The following GREB1 variants were observed in gnomAD, a reference collection of about 807,000 sequenced individuals.
GREB1 encodes growth regulating estrogen receptor binding 1, also known as protein GREB1.
A neutral mutation model predicts 200.7 loss-of-function variants in GREB1; 106 were observed. That is an observed-to-expected ratio of 0.53 (90% CI 0.45 to 0.62). GREB1 has a LOEUF of 0.62. GREB1 is among the 20% of genes least tolerant of loss of function. The pLI is 0.00. For synonymous variants in GREB1, 1,132 were observed against 1,092.4 expected (o/e 1.04, Z -0.72); for missense variants, 2,243 against 2,556.8 (o/e 0.88, Z 2.65).
In GREB1 at chr2:11,637,792, C is replaced by T. The variant is rs751005681; in HGVS notation, c.5423C>T (p.Ala1808Val). Reference sequence around the variant, plus strand: ...GACAGCAAGCACACGTTCCTCGCAGCGCCCGCCCAGCTCCTGCTGGAGAAG... The same window carrying T: ...GACAGCAAGCACACGTTCCTCGCAGTGCCCGCCCAGCTCCTGCTGGAGAAG... ...APDSKHTFLA[A>V]PAQLLLEKFL... is the part of the protein sequence containing the mutation. The change falls in exon 31 of 33, where the codon GCG (alanine) becomes GTG (valine). Residue 1808 changes from alanine to valine, a missense_variant. Physicochemically the swap from Ala to Val is moderately conservative, Grantham distance 64. Coordinates refer to ENST00000381486, the MANE Select transcript of GREB1 (RefSeq NM_014668.4). 3.3e-5 allele frequency: 53 copies of T among 1,614,000 alleles called. No individual in the cohort carries two copies. In the East Asian group the frequency reaches 6.2e-4, roughly 19 times the overall value.
chr2:11,528,348 C>T (rs144881087), intron 1 of GREB1, among the ~76,000 whole-genome samples: 2 of 152,332 alleles, frequency 1.3e-5, no homozygotes, highest in East Asian at 3.9e-4. Flanking sequence ...CAAATACCCT[C>T]GTTGAAAGTA....
chr2:11,569,471 G>A (rs941396031), intron 4 of GREB1, among the ~76,000 whole-genome samples: 5 of 152,110 alleles, frequency 3.3e-5, no homozygotes, highest in African/African-American at 9.7e-5. Context: ...GGAGCACACC[G>A]GCTCCCAGTG....
intron 1 of GREB1, among the ~76,000 whole-genome samples, chr2:11,512,764 A>G (rs1673387608): frequency 6.6e-6 from 1 of 152,242 alleles, no homozygotes; most frequent in Admixed American, 6.5e-5. Flanking sequence ...CACTGTGCCC[A>G]ACACATGGCA....
In GREB1 at chr2:11,598,782, C is replaced by T. The variant is rs774527925; in HGVS notation, c.2255C>T (p.Ala752Val). The change falls in exon 15 of 33, where the codon GCT becomes GTT. Residue 752 changes from alanine (A) to valine (V), a missense_variant. By Grantham distance (64) the Ala-to-Val change is moderately conservative. Around this residue, in one of 3 missense-constraint regions of GREB1, gnomAD observed 1,178 missense variants for 1,387.4 expected, o/e 0.85. Transcript: ENST00000381486. ...LDTEAQTKFKAFLQNSFQNPH... is the reference protein window; with the variant it reads ...LDTEAQTKFKVFLQNSFQNPH... ...ACGGAGGCACAGACAAAATTTAAGGCTTTTCTGCAAAACTCCTTCCAGAAC... is the reference window on the plus strand; with the variant it reads ...ACGGAGGCACAGACAAAATTTAAGGTTTTTCTGCAAAACTCCTTCCAGAAC... 1.4e-5 allele frequency: 22 copies of T among 1,614,016 alleles called. No homozygotes were observed. Among genetic ancestry groups the T allele is most frequent in the East Asian group, 2.2e-5 (1 of 44,890 alleles).
At position 11,548,363 on chromosome 2, in the gene GREB1, G is replaced by T. The variant is rs188882312; in HGVS notation, c.-161-8091G>T. 6.9e-6 allele frequency among the ~76,000 whole-genome samples: 1 copy of T among 144,862 alleles called. No individual in the cohort carries two copies. The highest frequency in any genetic ancestry group is 2.9e-5 in the African/African-American group (1 of 34,826). Reference sequence around the variant, plus strand: ...GCACACATGCATATACCCCAACACAGATGCACACACATACACACACCCACA... The same window carrying T: ...GCACACATGCATATACCCCAACACATATGCACACACATACACACACCCACA... On this transcript the variant is annotated intron_variant, in intron 1 of 32. Transcript: ENST00000381486. This position sits in a 1 kb window ranked among gnomAD's most constrained non-coding sequence, Gnocchi z 5.1.
chr2:11,623,640 C>T (rs1684187985), intron 23 of GREB1, among the ~76,000 whole-genome samples: 1 of 152,234 alleles, frequency 6.6e-6, no homozygotes, highest in Non-Finnish European at 1.5e-5. Context: ...CCTGTAATCC[C>T]AGCACTTTGT....
In GREB1 at chr2:11,620,917, G is replaced by A. The variant is rs551655017; in HGVS notation, c.4057G>A (p.Gly1353Ser). 9.9e-5 allele frequency: 160 copies of A among 1,608,476 alleles called. No homozygotes were observed. Among genetic ancestry groups the A allele is most frequent in the Middle Eastern group, 8.3e-4 (5 of 6,050 alleles). Residue 1353 changes from glycine (G) to serine (S), a missense_variant, in exon 23 of 33, where the codon GGT becomes AGT. Gly to Ser is a moderately conservative substitution (Grantham distance 56, BLOSUM62 0). Transcript: ENST00000381486. ...LSGPPQIGKT[G>S]AYLQFLSVLS... ...TATACCTTTACAGATCGGGAAGACA[G>A]GTGCCTACCTGCAGTTCCTCAGTGT...
In GREB1 at chr2:11,610,795, C is replaced by T. The variant is rs770717636; in HGVS notation, c.2774C>T (p.Ser925Leu). 3.7e-6 allele frequency: 6 copies of T among 1,613,550 alleles called. No individual in the cohort carries two copies. Among genetic ancestry groups the T allele is most frequent in the Admixed American group, 3.3e-5 (2 of 60,034 alleles). The change falls in exon 18 of 33, where the codon TCG becomes TTG. Residue 925 changes from serine to leucine, a missense_variant. Physicochemically the swap from Ser to Leu is moderately radical, Grantham distance 145. Transcript: ENST00000381486. ...CTCCCGCAGATGAAGAACTACACGT[C>T]GGTGGAGACGCTGGAGATCACGCAG... Reference protein sequence around the residue: ...SGLPQMKNYTSVETLEITQNL... With the variant: ...SGLPQMKNYTLVETLEITQNL...
chr2:11,562,753 C>T (rs536955551), intron 3 of GREB1, 171 bp downstream of exon 3: 38 of 639,290 alleles, frequency 5.9e-5, no homozygotes, highest in East Asian at 3.6e-4. Context: ...GGTGCTGGCC[C>T]GGCCTGCCCT....
chr2:11,639,725 T>C (rs1448132864), intron 32 of GREB1, among the ~76,000 whole-genome samples: 1 of 151,834 alleles, frequency 6.6e-6, no homozygotes, highest in Non-Finnish European at 1.5e-5. Context: ...GATCAAGAGG[T>C]TTTACAGCAG....
chr2:11,541,491 C>T (rs1674747966), intron 1 of GREB1, among the ~76,000 whole-genome samples: 1 of 152,084 alleles, frequency 6.6e-6, no homozygotes, highest in Non-Finnish European at 1.5e-5. Flanking sequence ...GACCTCTCAG[C>T]TCTCTCTTCA....
intron 2 of GREB1, among the ~76,000 whole-genome samples, chr2:11,557,632 A>T (rs1267207603): frequency 6.6e-6 from 1 of 152,162 alleles, no homozygotes; most frequent in African/African-American, 2.4e-5. Context: ...CTTGTCTTCA[A>T]GGGGCCCCAC....
chr2:11,531,677 T>C (rs1312197861), upstream of GREB1, among the ~76,000 whole-genome samples: 1 of 152,146 alleles, frequency 6.6e-6, no homozygotes, highest in Non-Finnish European at 1.5e-5. Flanking sequence ...TTCAAGCGAT[T>C]CTCCTGCATC....
In GREB1 at chr2:11,620,926, C is replaced by A; in HGVS notation, c.4066C>A (p.Leu1356Met). 1 of 1,610,968 alleles carries A rather than the reference C, an allele frequency of 6.2e-7. No individual in the cohort carries two copies. Among genetic ancestry groups the A allele is most frequent in the Non-Finnish European group, 8.5e-7 (1 of 1,177,090 alleles). The change falls in exon 23 of 33, where the codon CTG (leucine) becomes ATG (methionine). Residue 1356 changes from leucine (L) to methionine (M), a missense_variant. By Grantham distance (15) the Leu-to-Met change is conservative. Around this residue, in one of 3 missense-constraint regions of GREB1, gnomAD observed 587 missense variants for 553.1 expected, o/e 1.06. Transcript: ENST00000381486. ...PPQIGKTGAY[L>M]QFLSVLSRML... ...ACAGATCGGGAAGACAGGTGCCTAC[C>A]TGCAGTTCCTCAGTGTCCTGTCCAG...
At chr2:11,526,770 C>T (rs998560095) in intron 1 of GREB1, among the ~76,000 whole-genome samples, 1 of 152,028 alleles carries the variant, frequency 6.6e-6, no homozygotes, top group Non-Finnish European at 1.5e-5. Context: ...GTTGGCCAGG[C>T]TGGTTTCAAA....
rs1015078534 is a variant in GREB1, at chr2:11,597,139, C to T, written c.1955-642C>T. On this transcript the variant is annotated intron_variant, in intron 13 of 32. Coordinates refer to ENST00000381486, the MANE Select transcript of GREB1 (RefSeq NM_014668.4). This position sits in a 1 kb window ranked among gnomAD's most constrained non-coding sequence, Gnocchi z 4.1. The stretch of plus-strand genomic sequence containing the variant: ...TCGGTGGGCGATGAGAGGGCACTGG[C>T]GAGGGCCTCGGTCTGGCCTGGGAGG... 6.6e-6 allele frequency among the ~76,000 whole-genome samples: 1 copy of T among 151,754 alleles called. No homozygotes were observed. The highest frequency in any genetic ancestry group is 1.9e-4 in the East Asian group (1 of 5,178).
chr2:11,573,912 C>T (rs1001258407), intron 4 of GREB1, among the ~76,000 whole-genome samples: 2 of 152,226 alleles, frequency 1.3e-5, no homozygotes, highest in African/African-American at 4.8e-5. Flanking sequence ...AGAGGTTTGA[C>T]AGCCTGGCCT....
At chr2:11,487,631 T>C (rs569297269) in intron 1 of GREB1, among the ~76,000 whole-genome samples, 2 of 152,324 alleles carry the variant, frequency 1.3e-5, no homozygotes. Context: ...TTTTTGATTA[T>C]GGAAAATTTC....
At chr2:11,581,630 C>T (rs2148077794) in intron 7 of GREB1, among the ~76,000 whole-genome samples, 1 of 152,336 alleles carries the variant, frequency 6.6e-6, no homozygotes, top group South Asian at 2.1e-4. Flanking sequence ...CAGTCCAGTG[C>T]TCTCCCCACC....
Sources: gnomAD v4.1 joint callset for allele counts (sites outside exome capture counted in the v4.1 genomes callset) on GRCh38, gnomAD v4.1.1 for gene constraint, gnomAD v4.1.1 regional missense constraint, Gnocchi (gnomAD v3.1) non-coding constraint, MANE v1.5 for transcripts, NCBI Gene and HGNC (gene_info 2026-07-23, HGNC 2026-07-21) for gene names.